Variants in PLAC1 observed in about 807,000 individuals in gnomAD.
PLAC1 encodes the protein placenta associated 1, also known as placenta-specific protein 1.
For missense variants in PLAC1, 136 were observed against 163.2 expected (o/e 0.83, Z 0.91); for synonymous variants, 68 against 62.1 (o/e 1.09, Z -0.44).
At chrX:134,722,018 A>G (rs1020785774) in intron 2 of PLAC1, among the ~76,000 whole-genome samples, 2 of 111,867 alleles carry the variant, frequency 1.8e-5, no homozygotes, top group African/African-American at 6.5e-5. Context: ...ATTTATAAAC[A>G]TAAATTCCCA....
chrX:134,689,293 A>T (rs1037782111), intron 2 of PLAC1, among the ~76,000 whole-genome samples: 1 of 112,288 alleles, frequency 8.9e-6, no homozygotes. Flanking sequence ...ATTGTTTACT[A>T]TATCAAGTCC....
intron 2 of PLAC1, among the ~76,000 whole-genome samples, chrX:134,733,088 C>T (rs752666827): frequency 1.8e-5 from 2 of 111,619 alleles, no homozygotes; most frequent in East Asian, 5.6e-4. Flanking sequence ...ATACACAAGT[C>T]CTTTGTTGAG....
At chrX:134,657,614 A>G (rs191425681) in intron 1 of PLAC1, among the ~76,000 whole-genome samples, 3 of 111,811 alleles carry the variant, frequency 2.7e-5, no homozygotes, top group East Asian at 5.6e-4. Flanking sequence ...TACTCTTTTT[A>G]TAAATGAGAA....
At chrX:134,646,924 T>C (rs904089270) in intron 1 of PLAC1, among the ~76,000 whole-genome samples, 6 of 111,899 alleles carry the variant, frequency 5.4e-5, no homozygotes, top group Non-Finnish European at 1.1e-4. Context: ...GCAAGATTTA[T>C]TGCCTAAGCT....
chrX:134,591,807 T>G (rs2078040322), intron 2 of PLAC1, among the ~76,000 whole-genome samples: 2 of 112,129 alleles, frequency 1.8e-5, no homozygotes, highest in Non-Finnish European at 3.8e-5. Flanking sequence ...TCACCAACAT[T>G]TGGTATTGTC....
At chrX:134,635,221 C>T (rs2078278164) in intron 1 of PLAC1, among the ~76,000 whole-genome samples, 1 of 111,910 alleles carries the variant, frequency 8.9e-6, no homozygotes, top group Non-Finnish European at 1.9e-5. Context: ...TGTGAATTAT[C>T]TGCCCAAGCA....
rs926666122 is a variant in PLAC1, at chrX:134,582,019, T to A, written c.-58-15279A>T. Among the ~76,000 whole-genome samples the A allele has an allele frequency of 2.7e-5, 3 of 112,357 alleles. No individual in the cohort carries two copies. The East Asian group carries it at 8.3e-4, about 31-fold the overall frequency. On this transcript the variant is annotated intron_variant, in intron 2 of 2. Coordinates refer to ENST00000359237, the MANE Select transcript of PLAC1 (RefSeq NM_021796.4). ...TGAAGCAGGTGCTCATTCTATGGGT[T>A]GTTCGGAATCATTTTTCTGACTGCA...
At chrX:134,699,012 C>T (rs1313773675) in intron 2 of PLAC1, among the ~76,000 whole-genome samples, 1 of 111,432 alleles carries the variant, frequency 9.0e-6, no homozygotes, top group Non-Finnish European at 1.9e-5. Context: ...CAAGTCTTTT[C>T]AAGTCTACCT....
chrX:134,585,057 C>T (rs1041154950), intron 2 of PLAC1, among the ~76,000 whole-genome samples: 12 of 108,639 alleles, frequency 1.1e-4, no homozygotes, highest in Non-Finnish European at 2.3e-4. Context: ...TTAGGCCGGG[C>T]GCGGTGGCTC....
intron 2 of PLAC1, among the ~76,000 whole-genome samples, chrX:134,723,872 A>G (rs750630691): frequency 3.6e-5 from 4 of 111,548 alleles, no homozygotes; most frequent in Non-Finnish European, 7.5e-5. Context: ...TTAAAATTGC[A>G]TGATGAAAGC....
intron 2 of PLAC1, among the ~76,000 whole-genome samples, chrX:134,664,185 G>A (rs1037635647): frequency 4.8e-4 from 54 of 111,717 alleles, no homozygotes; most frequent in Non-Finnish European, 6.2e-4. Context: ...CAGATGACTG[G>A]GTCCCACTCC....
chrX:134,636,662 T>C (rs372853766), intron 1 of PLAC1, among the ~76,000 whole-genome samples: 33 of 112,071 alleles, frequency 2.9e-4, no homozygotes, highest in African/African-American at 1.0e-3. Context: ...TTGAATGAAG[T>C]ATAGCATTTG....
chrX:134,658,880 G>C (rs1365847758), upstream of PLAC1, among the ~76,000 whole-genome samples: 1 of 111,881 alleles, frequency 8.9e-6, no homozygotes, highest in Non-Finnish European at 1.9e-5. Context: ...ATCAGGCATA[G>C]GGAATACAAA....
chrX:134,708,171 G>A (rs1191362591), intron 2 of PLAC1, among the ~76,000 whole-genome samples: 1 of 111,755 alleles, frequency 8.9e-6, no homozygotes, highest in African/African-American at 3.3e-5. Flanking sequence ...TCCATACCAG[G>A]AAAGAAGAGA....
intron 1 of PLAC1, among the ~76,000 whole-genome samples, chrX:134,761,294 A>AG (rs2078769379): frequency 8.9e-6 from 1 of 112,014 alleles, no homozygotes; most frequent in Non-Finnish European, 1.9e-5. Flanking sequence ...TATGACAGCT[A>AG]GGGGATGAAA....
At chrX:134,649,473 A>G (rs1333322963) in intron 1 of PLAC1, among the ~76,000 whole-genome samples, 3 of 110,321 alleles carry the variant, frequency 2.7e-5, no homozygotes. Flanking sequence ...GAAATTGGCC[A>G]TGGTGGGAGC....
At chrX:134,745,308 A>G (rs2078726680) in intron 1 of PLAC1, among the ~76,000 whole-genome samples, 1 of 111,784 alleles carries the variant, frequency 8.9e-6, no homozygotes, top group African/African-American at 3.2e-5. Context: ...ATTGATATGA[A>G]TTTAGTCATA....
chrX:134,684,411 TAAA>T (rs10606569), intron 2 of PLAC1, among the ~76,000 whole-genome samples: 20 of 80,956 alleles, frequency 2.5e-4, no homozygotes, highest in Admixed American at 1.4e-3. Flanking sequence ...GCTCTGCCAC[TAAA>T]AAAAAAAAAA....
chrX:134,749,526 C>T (rs986786655), intron 1 of PLAC1, among the ~76,000 whole-genome samples: 1 of 111,500 alleles, frequency 9.0e-6, no homozygotes, highest in Admixed American at 9.5e-5. Context: ...ACAGGACTGA[C>T]GAGGTAGCCA....
Sources: allele counts gnomAD v4.1 joint callset (sites outside exome capture counted in the v4.1 genomes callset), GRCh38; gene constraint gnomAD v4.1.1; transcripts MANE v1.5; gene names NCBI Gene and HGNC (gene_info 2026-07-23, HGNC 2026-07-21).